The following LDLRAD4 variants were observed in gnomAD, a reference collection of about 807,000 sequenced individuals.
LDLRAD4 encodes low density lipoprotein receptor class A domain containing 4, also known as low-density lipoprotein receptor class A domain-containing protein 4.
Under a neutral mutation model 17.0 loss-of-function variants are expected in LDLRAD4, and 5 were observed. That is an observed-to-expected ratio of 0.29 (90% confidence interval 0.15 to 0.62). The LOEUF is 0.62. LDLRAD4 is among the 20% of genes least tolerant of loss of function. The pLI, the probability that LDLRAD4 is intolerant of heterozygous loss-of-function variation, is 0.84. For missense variants in LDLRAD4, 340 were observed against 424.7 expected (o/e 0.80, Z 1.75); for synonymous variants, 168 against 171.8 (o/e 0.98, Z 0.17).
intron 2 of LDLRAD4, among the ~76,000 whole-genome samples, chr18:13,406,170 G>C (rs2087727290): frequency 6.6e-6 from 1 of 152,174 alleles, no homozygotes; most frequent in South Asian, 2.1e-4. Context: ...GGGCCCCCTG[G>C]GGAGCACTGT....
intron 1 of LDLRAD4, among the ~76,000 whole-genome samples, chr18:13,224,899 C>G (rs562388440): frequency 1.5e-4 from 22 of 151,238 alleles, no homozygotes; most frequent in African/African-American, 5.1e-4. Context: ...CGTGATCCAT[C>G]TCAGCTCACT....
intron 3 of LDLRAD4, among the ~76,000 whole-genome samples, chr18:13,442,478 C>A (rs2091088742): frequency 6.6e-6 from 1 of 152,204 alleles, no homozygotes; most frequent in Non-Finnish European, 1.5e-5. Context: ...GTGGCGCTGT[C>A]TTGGGACAGA....
At chr18:13,636,704 TG>T (rs1480486364) in intron 4 of LDLRAD4, among the ~76,000 whole-genome samples, 4 of 152,070 alleles carry the variant, frequency 2.6e-5, no homozygotes, top group Non-Finnish European at 4.4e-5. Flanking sequence ...TTCACCATGT[TG>T]GCCAGGCTGG....
intron 3 of LDLRAD4, among the ~76,000 whole-genome samples, chr18:13,582,870 G>A (rs72884421): frequency 1.3e-5 from 2 of 152,152 alleles, no homozygotes; most frequent in Non-Finnish European, 2.9e-5. Flanking sequence ...ATGCCGCTGT[G>A]CTGGCTAATT....
Position 13,645,618 on chromosome 18 carries a change from C to T in LDLRAD4, c.882C>T (p.Pro294=), listed in dbSNP as rs776909246. The T allele has an allele frequency of 1.3e-5, 20 of 1,522,120 alleles. No homozygotes were observed. The African/African-American group carries it at 1.8e-4, about 14-fold the overall frequency. 94.3% of individuals were successfully genotyped at this position (1,522,120 alleles called of 1,614,324 possible). A position where few individuals can be genotyped will look rare whatever the true frequency, so the allele number is the denominator to read the frequency against. The change falls in exon 6 of 6, where the codon CCC becomes CCT. Residue 294 remains proline, a synonymous_variant. Transcript: ENST00000359446. This position sits in a 1 kb window ranked among gnomAD's most constrained non-coding sequence, Gnocchi z 5.7. ...ACAATGCAGAGAGCACAATAGTACC[C>T]ATCAAAGGCAAAGATAGGAAGCCTG...
chr18:13,562,373 G>A (rs28482995), intron 3 of LDLRAD4, among the ~76,000 whole-genome samples: 2,509 of 152,228 alleles, frequency 0.016, 70 homozygotes, highest in African/African-American at 0.056. Flanking sequence ...AGCCTGCCTC[G>A]TTTCTCCACT....
chr18:13,515,077 A>G (rs887084909), intron 3 of LDLRAD4: 1 of 152,260 alleles, frequency 6.6e-6, no homozygotes, highest in African/African-American at 2.4e-5. Context: ...TTGTGAAGTA[A>G]CTGAATTACA....
intron 3 of LDLRAD4, among the ~76,000 whole-genome samples, chr18:13,617,128 G>C (rs1012940326): frequency 6.6e-6 from 1 of 151,482 alleles, no homozygotes; most frequent in Non-Finnish European, 1.5e-5. Context: ...TTAAGAGACA[G>C]GGTCTCGCTA....
intron 2 of LDLRAD4, among the ~76,000 whole-genome samples, chr18:13,423,258 T>C (rs918176185): frequency 2.0e-5 from 3 of 151,802 alleles, no homozygotes; most frequent in African/African-American, 4.8e-5. Flanking sequence ...TTTGGGAGGC[T>C]GAGGAGGGCA....
intron 3 of LDLRAD4, among the ~76,000 whole-genome samples, chr18:13,604,075 A>AG (rs2095195253): frequency 6.6e-6 from 1 of 152,224 alleles, no homozygotes. Context: ...ATAGTTATAT[A>AG]GGTCTGATGT....
At chr18:13,280,440 T>C (rs886699247) in intron 1 of LDLRAD4, among the ~76,000 whole-genome samples, 4 of 152,242 alleles carry the variant, frequency 2.6e-5, no homozygotes, top group African/African-American at 9.6e-5. Context: ...TTTTCCACCC[T>C]AATGCTGGCT....
chr18:13,563,671 T>G (rs1357884632), intron 3 of LDLRAD4, among the ~76,000 whole-genome samples: 1 of 151,900 alleles, frequency 6.6e-6, no homozygotes, highest in Non-Finnish European at 1.5e-5. Context: ...CAGCTAGGAG[T>G]GCTGATAAAC....
intron 1 of LDLRAD4, among the ~76,000 whole-genome samples, chr18:13,315,802 GAA>G (rs977669380): frequency 7.1e-5 from 10 of 139,962 alleles, no homozygotes; most frequent in African/African-American, 2.8e-4. Flanking sequence ...AAAAAAAAAA[GAA>G]TGTATAAAAC....
intron 1 of LDLRAD4, among the ~76,000 whole-genome samples, chr18:13,383,964 C>T (rs533419369): frequency 6.6e-6 from 1 of 152,276 alleles, no homozygotes; most frequent in African/African-American, 2.4e-5. Flanking sequence ...GGGGGAGACT[C>T]AGAGTGTATA....
At chr18:13,518,831 A>T (rs1175508064) in intron 3 of LDLRAD4, among the ~76,000 whole-genome samples, 1 of 152,126 alleles carries the variant, frequency 6.6e-6, no homozygotes, top group Non-Finnish European at 1.5e-5. Flanking sequence ...ATGGTTACAC[A>T]TTCTCATGGG....
At chr18:13,335,688 A>C (rs2082070550) in intron 1 of LDLRAD4, among the ~76,000 whole-genome samples, 1 of 152,186 alleles carries the variant, frequency 6.6e-6, no homozygotes, top group South Asian at 2.1e-4. Context: ...ACTGTTAGTC[A>C]GTGGTCTTTT....
intron 1 of LDLRAD4, among the ~76,000 whole-genome samples, chr18:13,357,365 A>G (rs972056770): frequency 6.6e-6 from 1 of 151,300 alleles, no homozygotes; most frequent in East Asian, 1.9e-4. Context: ...GAGCCCCCAC[A>G]CCCAGTTTGC....
intron 3 of LDLRAD4, among the ~76,000 whole-genome samples, chr18:13,479,046 A>G (rs1324049656): frequency 6.6e-6 from 1 of 152,258 alleles, no homozygotes; most frequent in African/African-American, 2.4e-5. Flanking sequence ...AACAAATGGT[A>G]CTGAAACAGC....
intron 3 of LDLRAD4, among the ~76,000 whole-genome samples, chr18:13,527,120 C>T (rs2094044911): frequency 6.6e-6 from 1 of 152,174 alleles, no homozygotes; most frequent in South Asian, 2.1e-4. Context: ...GTGCAGGTTC[C>T]CTGTAAGACA....
Sources: gnomAD v4.1 joint callset for allele counts (sites outside exome capture counted in the v4.1 genomes callset) on GRCh38, gnomAD v4.1.1 for gene constraint, Gnocchi (gnomAD v3.1) non-coding constraint, MANE v1.5 for transcripts, NCBI Gene and HGNC (gene_info 2026-07-23, HGNC 2026-07-21) for gene names.